Variants in HPS1 observed in about 807,000 individuals in gnomAD.
HPS1 encodes the protein BLOC-3 complex member HPS1.
In HPS1, 59 loss-of-function variants were observed where a neutral mutation model predicts 90.6. The ratio of observed to expected loss-of-function variants is 0.65; its 90% CI spans 0.53 to 0.81. HPS1 has a LOEUF of 0.81. HPS1 is among the 30% of genes least tolerant of loss of function. The pLI, the probability that HPS1 is intolerant of heterozygous loss-of-function variation, is 0.00. For missense variants in HPS1, 849 were observed against 896.7 expected (o/e 0.95, Z 0.68); for synonymous variants, 388 against 384.4 (o/e 1.01, Z -0.11).
At chr10:98,415,006 T>A, downstream of HPS1, 11 of 1,613,110 alleles carry the variant, frequency 6.8e-6, no homozygotes, top group Non-Finnish European at 9.3e-6. Flanking sequence ...TTTACCACTT[T>A]ACCTGCTCCT....
chr10:98,442,517 A>C, intron 3 of HPS1: 1 of 160,614 alleles, frequency 6.2e-6, no homozygotes, highest in Non-Finnish European at 1.4e-5. Flanking sequence ...GCTTACGTTA[A>C]ACTTTTTTTT....
chr10:98,431,296 C>G lies in HPS1; in HGVS notation c.508-5G>C, dbSNP rs1455122045. On this transcript the variant is annotated splice_region_variant and splice_polypyrimidine_tract_variant and intron_variant, in intron 6 of 19. Coordinates refer to ENST00000361490, the MANE Select transcript of HPS1 (RefSeq NM_000195.5). ...GTGAATCAGTCGCTCCAGGGCCTAG[C>G]CAGGGCAGGAAGGGAGAGGAAGCCA... The G allele has an allele frequency of 6.2e-7, 1 of 1,613,238 alleles. No individual in the cohort carries two copies. The highest frequency in any genetic ancestry group is 8.5e-7 in the Non-Finnish European group (1 of 1,179,924).
chr10:98,427,104 G>A (rs1845705372), intron 11 of HPS1, 111 bp downstream of exon 11: 1 of 872,396 alleles, frequency 1.1e-6, no homozygotes, highest in Non-Finnish European at 1.8e-6. Flanking sequence ...GTGGGCAGGA[G>A]GAGGGCTGGC....
In HPS1 at chr10:98,422,407, A is replaced by G. The variant is rs1276391242; in HGVS notation, c.1705T>C (p.Leu569=). 6.2e-7 allele frequency: 1 copy of G among 1,613,936 alleles called. No homozygotes were observed. Among genetic ancestry groups the G allele is most frequent in the African/African-American group, 1.3e-5 (1 of 74,878 alleles). The change falls in exon 17 of 20, where the codon TTG becomes CTG. Residue 569 remains leucine, a synonymous_variant. Coordinates refer to ENST00000361490, the MANE Select transcript of HPS1 (RefSeq NM_000195.5). Reference sequence around the variant, plus strand: ...AAGGCAGCCAGCGGCCCCTTGCCCAACTCCGACGAGGTCTTTTGACTGCAG... The same window carrying G: ...AAGGCAGCCAGCGGCCCCTTGCCCAGCTCCGACGAGGTCTTTTGACTGCAG... The part of the protein sequence containing the change: ...LNCSQKTSSE[L]GKGPLAAFVK...
chr10:98,434,317 CCT>C (rs1197783676), intron 5 of HPS1, among the ~76,000 whole-genome samples: 6 of 152,002 alleles, frequency 3.9e-5, no homozygotes, highest in Non-Finnish European at 8.8e-5. Flanking sequence ...TCACCTCACT[CCT>C]CAGCCTCTGT....
chr10:98,443,144 A>G lies in HPS1; in HGVS notation c.97T>C (p.Ser33Pro). 1 of 1,613,270 alleles carries G rather than the reference A, an allele frequency of 6.2e-7. No individual in the cohort carries two copies. Among genetic ancestry groups the G allele is most frequent in the Non-Finnish European group, 8.5e-7 (1 of 1,179,386 alleles). The stretch of plus-strand genomic sequence containing the variant: ...CTCACCTCTTCTTCCTCATTCTCTG[A>G]CTGCCCGAACTTCAGCCGGAGACTC... ...EESLRLKFGQSENEEEELPAL... is the reference protein window; with the variant it reads ...EESLRLKFGQPENEEEELPAL... Residue 33 changes from serine (S) to proline (P), a missense_variant, in exon 3 of 20, where the codon TCA becomes CCA. Coordinates refer to ENST00000361490, the MANE Select transcript of HPS1 (RefSeq NM_000195.5).
chr10:98,427,046 G>A lies in HPS1; in HGVS notation c.987+169C>T, dbSNP rs896189292. ...AGCCCATTCCTGGACCCTGCCTCTG[G>A]GCTGAGCTCTGGCACCAGGACAGGC... On this transcript the variant is annotated intron_variant, in intron 11 of 19. Transcript: ENST00000361490. 11 of 587,682 alleles carry A rather than the reference G, an allele frequency of 1.9e-5. No homozygotes were observed. In the African/African-American group the frequency reaches 1.9e-4, roughly 10 times the overall value. The allele number at this position is 587,682 out of a possible 1,614,324, so 36.4% of individuals were successfully genotyped here.
At chr10:98,427,679 C>T (rs754153423) in intron 10 of HPS1, among the ~76,000 whole-genome samples, 11 of 152,146 alleles carry the variant, frequency 7.2e-5, no homozygotes, top group South Asian at 4.1e-4. Flanking sequence ...CACGTTTGCC[C>T]ATTCATTTAT....
chr10:98,443,758 C>T (rs1238002694), intron 2 of HPS1, among the ~76,000 whole-genome samples: 1 of 152,146 alleles, frequency 6.6e-6, no homozygotes, highest in Non-Finnish European at 1.5e-5. Flanking sequence ...CAGGGCTGGG[C>T]GCGGTGGCTC....
intron 3 of HPS1, among the ~76,000 whole-genome samples, chr10:98,439,593 T>C (rs1938043000): frequency 6.6e-6 from 1 of 152,238 alleles, no homozygotes; most frequent in Non-Finnish European, 1.5e-5. Flanking sequence ...CATTGTGTCT[T>C]GGAAGTAACT....
chr10:98,428,043 G>C (rs142748100), intron 10 of HPS1, among the ~76,000 whole-genome samples: 6 of 152,304 alleles, frequency 3.9e-5, no homozygotes, highest in African/African-American at 4.8e-5. Context: ...AGATGGTGAT[G>C]AATGAGGAAG....
At chr10:98,431,356 G>GACA (rs756845860) in intron 6 of HPS1, 65 bp from the exon 7 acceptor site, 1 of 1,514,954 alleles carries the variant, frequency 6.6e-7, no homozygotes, top group Non-Finnish European at 9.1e-7. Flanking sequence ...CCAAGCCCTG[G>GACA]GCTAGTGGGG....
rs1177125706 is a variant in HPS1, at chr10:98,417,025, G to T, written c.*539C>A. 6.5e-6 allele frequency: 1 copy of T among 153,242 alleles called. No individual in the cohort carries two copies. 9.5% of individuals were successfully genotyped at this position (153,242 alleles called of 1,614,324 possible). ...AGAAGCACTAGCATGTTGGGCTTCA[G>T]TGATAACAATGACCAACATTTATTG... On this transcript the variant is annotated 3_prime_UTR_variant, in exon 20 of 20. Coordinates refer to ENST00000361490, the MANE Select transcript of HPS1 (RefSeq NM_000195.5). This position sits in a 1 kb window ranked among gnomAD's most constrained non-coding sequence, Gnocchi z 4.2.
chr10:98,445,035 T>C lies in HPS1; in HGVS notation c.-1+265A>G, dbSNP rs1223406451. On this transcript the variant is annotated intron_variant, in intron 2 of 19. Coordinates refer to ENST00000361490, the MANE Select transcript of HPS1 (RefSeq NM_000195.5). The surrounding 1 kb of genome is among the most constrained non-coding windows in gnomAD (Gnocchi z 4.5). ...TCATCTAGGTGCGGGTGTCAGGTAA[T>C]GAGTGCTCACCCCTTGGTGGGGGCT... is the stretch of plus-strand genomic sequence containing the variant. 6.6e-6 allele frequency among the ~76,000 whole-genome samples: 1 copy of C among 152,046 alleles called. No individual in the cohort carries two copies. Among genetic ancestry groups the C allele is most frequent in the Non-Finnish European group, 1.5e-5 (1 of 67,990 alleles).
chr10:98,420,093 C>T lies in HPS1; in HGVS notation c.1809G>A (p.Gln603=), dbSNP rs770641507. The change falls in exon 18 of 20, where the codon CAG becomes CAA. Residue 603 remains glutamine, a synonymous_variant. Transcript: ENST00000361490. ...AGTAGGAGCAGTAGAAATCCCCCTC[C>T]TGGAACAGCAGCGTGGTGTAGCCCT... ...LQKGYTTLLF[Q]EGDFYCSYFL... 7 of 1,614,140 alleles carry T rather than the reference C, an allele frequency of 4.3e-6. No individual in the cohort carries two copies. In the South Asian group the frequency reaches 7.7e-5, roughly 18 times the overall value.
chr10:98,434,230 G>A, intron 5 of HPS1, 139 bp from the exon 6 acceptor site: 3 of 860,994 alleles, frequency 3.5e-6, no homozygotes, highest in African/African-American at 1.7e-5. Context: ...GGGAAAGGGG[G>A]CCAGGTTTCC....
At chr10:98,420,649 G>A (rs930832550) in intron 17 of HPS1, among the ~76,000 whole-genome samples, 1 of 152,184 alleles carries the variant, frequency 6.6e-6, no homozygotes, top group African/African-American at 2.4e-5. Context: ...CCAGGAGGTC[G>A]AGGCTGCAGT....
At position 98,435,012 on chromosome 10, in the gene HPS1, T is replaced by C. The variant is rs1292940915; in HGVS notation, c.398+260A>G. ...CTGGACTGAGAGTCCTGAGCTCAAA[T>C]ATCCAGTTTGGATGTGGCCACCAAC... On this transcript the variant is annotated intron_variant, in intron 5 of 19. Coordinates refer to ENST00000361490, the MANE Select transcript of HPS1 (RefSeq NM_000195.5). This position sits in a 1 kb window ranked among gnomAD's most constrained non-coding sequence, Gnocchi z 4.3. 1 of 515,246 alleles carries C rather than the reference T, an allele frequency of 1.9e-6. No individual in the cohort carries two copies. The highest frequency in any genetic ancestry group is 3.5e-6 in the Non-Finnish European group (1 of 283,620). 31.9% of individuals were successfully genotyped at this position (515,246 alleles called of 1,614,324 possible). A position where few individuals can be genotyped will look rare whatever the true frequency, so the allele number is the denominator to read the frequency against.
chr10:98,430,770 G>A, intron 7 of HPS1, 100 bp from the exon 8 acceptor site: 1 of 925,858 alleles, frequency 1.1e-6, no homozygotes, highest in Non-Finnish European at 1.7e-6. Flanking sequence ...CCCTCAAGGA[G>A]CAATGTACTT....
Sources: allele counts gnomAD v4.1 joint callset (sites outside exome capture counted in the v4.1 genomes callset), GRCh38; gene constraint gnomAD v4.1.1; non-coding constraint Gnocchi (gnomAD v3.1); transcripts MANE v1.5; gene names NCBI Gene and HGNC (gene_info 2026-07-23, HGNC 2026-07-21).